CPNE4: variants seen among roughly 807,000 people sequenced by gnomAD.
The protein encoded by CPNE4 is copine-4.
CPNE4 carries 25 observed loss-of-function variants against 67.9 expected under a neutral mutation model. The ratio of observed to expected loss-of-function variants is 0.37; its 90% CI spans 0.27 to 0.51. CPNE4 has a LOEUF of 0.51. Among genes scored for constraint, CPNE4 ranks in the 20% least tolerant of loss-of-function variants. CPNE4 has a pLI of 0.93. For missense variants in CPNE4, 464 were observed against 690.8 expected, an observed-to-expected ratio of 0.67 and a Z score of 3.68; for synonymous variants, 242 against 244.9, an observed-to-expected ratio of 0.99 and a Z score of 0.11.
intron 2 of CPNE4, among the ~76,000 whole-genome samples, chr3:131,842,656 C>T (rs757108024): frequency 4.6e-5 from 7 of 150,896 alleles, no homozygotes; most frequent in Non-Finnish European, 7.4e-5. Context: ...TGACAGTTAC[C>T]TCCAACAGGC....
At chr3:131,574,443 C>T (rs911216058) in intron 10 of CPNE4, among the ~76,000 whole-genome samples, 3 of 152,084 alleles carry the variant, frequency 2.0e-5, no homozygotes, top group African/African-American at 7.2e-5. Context: ...CCTACCCAGT[C>T]AAATATACAT....
At chr3:131,997,047 G>C (rs1175607311) in intron 1 of CPNE4, among the ~76,000 whole-genome samples, 1 of 151,910 alleles carries the variant, frequency 6.6e-6, no homozygotes, top group Non-Finnish European at 1.5e-5. Flanking sequence ...CATTATTACT[G>C]GAAACACCTC....
chr3:131,563,141 A>G (rs375803960), intron 11 of CPNE4, among the ~76,000 whole-genome samples: 37 of 152,124 alleles, frequency 2.4e-4, no homozygotes, highest in African/African-American at 8.7e-4. Flanking sequence ...GGTGTGGAGG[A>G]TAACAGGTTT....
chr3:131,594,755 C>T (rs893147910), intron 7 of CPNE4, among the ~76,000 whole-genome samples: 12 of 152,246 alleles, frequency 7.9e-5, no homozygotes, highest in East Asian at 1.9e-4. Flanking sequence ...ACAGAATTAA[C>T]GGGCAACCTA....
At chr3:132,038,956 C>A (rs2074375395), upstream of CPNE4, among the ~76,000 whole-genome samples, 1 of 152,096 alleles carries the variant, frequency 6.6e-6, no homozygotes, top group South Asian at 2.1e-4. Context: ...TCTAGCCCTG[C>A]ACTATTTATT....
chr3:131,540,642 G>C (rs1935431650), intron 15 of CPNE4, among the ~76,000 whole-genome samples: 1 of 152,158 alleles, frequency 6.6e-6, no homozygotes, highest in African/African-American at 2.4e-5. Context: ...CCCAAGTTGG[G>C]AGTCAGATGT....
chr3:131,883,371 T>C (rs2087755533), intron 2 of CPNE4, among the ~76,000 whole-genome samples: 1 of 152,192 alleles, frequency 6.6e-6, no homozygotes, highest in Admixed American at 6.5e-5. Flanking sequence ...GCAAAGTCTA[T>C]GGGGTGTGCT....
At chr3:131,544,590 C>T (rs571846661) in intron 14 of CPNE4, among the ~76,000 whole-genome samples, 12 of 152,212 alleles carry the variant, frequency 7.9e-5, no homozygotes, top group Non-Finnish European at 1.5e-4. Flanking sequence ...TATATGTTCA[C>T]AAGGAAGTTG....
At chr3:131,756,830 G>A (rs1460048725) in intron 2 of CPNE4, among the ~76,000 whole-genome samples, 1 of 152,202 alleles carries the variant, frequency 6.6e-6, no homozygotes, top group Non-Finnish European at 1.5e-5. Flanking sequence ...GGACCCAGGG[G>A]AAGATAATTG....
intron 1 of CPNE4, among the ~76,000 whole-genome samples, chr3:131,980,396 A>G (rs1222782741): frequency 1.3e-5 from 2 of 151,978 alleles, no homozygotes; most frequent in Non-Finnish European, 2.9e-5. Flanking sequence ...ATATTTTCTT[A>G]TTCTTTTTTC....
intron 13 of CPNE4, among the ~76,000 whole-genome samples, chr3:131,551,972 C>T (rs547021135): frequency 6.6e-6 from 1 of 151,490 alleles, no homozygotes; most frequent in Admixed American, 6.6e-5. Context: ...TGTTCAAACT[C>T]GCTGAGGCCA....
In CPNE4 at chr3:131,554,363, C is replaced by T. The variant is rs991951269; in HGVS notation, c.1116+1134G>A. On this transcript the variant is annotated intron_variant, in intron 12 of 15. Transcript: ENST00000429747. Reference sequence around the variant, plus strand: ...ATTTTATATATGCAATTGCTGAATTCGTTTTTTAAAAGTGTGTCAAATATA... The same window carrying T: ...ATTTTATATATGCAATTGCTGAATTTGTTTTTTAAAAGTGTGTCAAATATA... Among the ~76,000 whole-genome samples the T allele has an allele frequency of 5.3e-5, 8 of 152,030 alleles. No homozygotes were observed. In the South Asian group the frequency reaches 6.2e-4, roughly 12 times the overall value.
Position 131,554,508 on chromosome 3 carries a change from G to C in CPNE4, c.1116+989C>G, listed in dbSNP as rs142006864. On this transcript the variant is annotated intron_variant, in intron 12 of 15. Transcript: ENST00000429747. Reference sequence around the variant, plus strand: ...TTCTAGAATTATGTAGCTATGCCCAGCAGAAAGGCCAGTGTGGAATACAAG... The same window carrying C: ...TTCTAGAATTATGTAGCTATGCCCACCAGAAAGGCCAGTGTGGAATACAAG... 1.5e-4 allele frequency among the ~76,000 whole-genome samples: 23 copies of C among 152,154 alleles called. No homozygotes were observed. The East Asian group carries it at 3.9e-3, about 26-fold the overall frequency.
intron 2 of CPNE4, among the ~76,000 whole-genome samples, chr3:131,810,301 C>T (rs533124132): frequency 5.8e-4 from 89 of 152,138 alleles, no homozygotes; most frequent in African/African-American, 2.1e-3. Context: ...TGTCATATAT[C>T]TGATAAATGG....
At chr3:131,651,380 T>C (rs373671563) in intron 7 of CPNE4, among the ~76,000 whole-genome samples, 1 of 152,230 alleles carries the variant, frequency 6.6e-6, no homozygotes, top group Non-Finnish European at 1.5e-5. Flanking sequence ...AGGAAAGTCG[T>C]TGGTATTTCT....
intron 2 of CPNE4, among the ~76,000 whole-genome samples, chr3:131,885,132 C>A (rs1007473548): frequency 5.3e-5 from 8 of 152,042 alleles, no homozygotes; most frequent in African/African-American, 1.9e-4. Flanking sequence ...ATGGCTTTGA[C>A]AAAAATGCTG....
At chr3:131,753,717 C>T (rs1433818310) in intron 2 of CPNE4, among the ~76,000 whole-genome samples, 1 of 152,000 alleles carries the variant, frequency 6.6e-6, no homozygotes, top group Non-Finnish European at 1.5e-5. Flanking sequence ...ATTGAAATAA[C>T]AATACATATA....
intron 2 of CPNE4, among the ~76,000 whole-genome samples, chr3:131,882,137 TACAC>T (rs35615774): frequency 0.34 from 51,875 of 150,544 alleles, 10,001 homozygotes; most frequent in African/African-American, 0.53. Context: ...TCAGTTCTAA[TACAC>T]ACACACACAC....
At chr3:131,709,815 T>G (rs1240959144) in intron 3 of CPNE4, among the ~76,000 whole-genome samples, 2 of 152,372 alleles carry the variant, frequency 1.3e-5, no homozygotes, top group East Asian at 3.9e-4. Context: ...GAACTCTTGC[T>G]CTTCCCTCTG....
Sources: gnomAD v4.1 joint callset for allele counts (sites outside exome capture counted in the v4.1 genomes callset) on GRCh38, gnomAD v4.1.1 for gene constraint, MANE v1.5 for transcripts, NCBI Gene and HGNC (gene_info 2026-07-23, HGNC 2026-07-21) for gene names.